The following ZNF717 variants were observed in gnomAD, a reference collection of about 807,000 sequenced individuals.
The protein encoded by ZNF717 is zinc finger protein 717.
A neutral mutation model predicts 13.8 loss-of-function variants in ZNF717; 9 were observed. That is an observed-to-expected ratio of 0.65 (90% CI 0.39 to 1.14). ZNF717 has a LOEUF of 1.14. ZNF717 is among the 50% of genes most tolerant of loss of function. The probability of loss-of-function intolerance (pLI) is 0.01; values close to 1 mark genes in which losing one functional copy is unlikely to be tolerated. For missense variants in ZNF717, 1,040 were observed against 1,080.7 expected, an observed-to-expected ratio of 0.96 and a Z score of 0.53; for synonymous variants, 327 against 364.1, an observed-to-expected ratio of 0.90 and a Z score of 1.16.
At chr3:75,733,599 A>C (rs1241613946), downstream of ZNF717, among the ~76,000 whole-genome samples, 1 of 77,226 alleles carries the variant, frequency 1.3e-5, no homozygotes, top group African/African-American at 5.3e-5. Flanking sequence ...TAACACGGTG[A>C]AACCCCATCT....
At chr3:75,759,320 G>C (rs1942770634) in intron 2 of ZNF717, among the ~76,000 whole-genome samples, 2 of 149,374 alleles carry the variant, frequency 1.3e-5, no homozygotes, top group South Asian at 4.2e-4. Context: ...CTGTTGCCCA[G>C]GCCATAGTGC....
At chr3:75,722,790 T>A (rs2918484) in intron 4 of ZNF717, among the ~76,000 whole-genome samples, 55,666 of 120,252 alleles carry the variant, frequency 0.46, 11,297 homozygotes, top group South Asian at 0.66. Context: ...GGTGACAGAG[T>A]GAAACTCCAT....
intron 2 of ZNF717, among the ~76,000 whole-genome samples, chr3:75,758,445 C>T (rs138535155): frequency 6.6e-6 from 1 of 152,006 alleles, no homozygotes; most frequent in South Asian, 2.1e-4. Flanking sequence ...AGAAGGAGGG[C>T]TTGACAGGAT....
At chr3:75,706,168 T>C (rs796866357), downstream of ZNF717, among the ~76,000 whole-genome samples, 1 of 150,142 alleles carries the variant, frequency 6.7e-6, no homozygotes, top group Non-Finnish European at 1.5e-5. Flanking sequence ...TTTTAATTTT[T>C]ATAAAGTCTG....
chr3:75,754,307 A>C (rs1575861273), intron 2 of ZNF717, among the ~76,000 whole-genome samples: 1 of 105,934 alleles, frequency 9.4e-6, no homozygotes, highest in Non-Finnish European at 2.1e-5. Flanking sequence ...TGGGTACTTC[A>C]TGCCTGGAAT....
rs2107114926 is a variant in ZNF717 at position 75,738,687 on chromosome 3, G to A, written c.936C>T (p.Ala312=). 3 of 1,551,886 alleles carry A rather than the reference G, an allele frequency of 1.9e-6. No individual in the cohort carries two copies. Among genetic ancestry groups the A allele is most frequent in the East Asian group, 2.4e-5 (1 of 40,918 alleles). Reference sequence around the variant, plus strand: ...TGAACAATTTTTCACACCAGTTACAGGCATAAGGTTTTTCCTCAGTAGGCA... The same window carrying A: ...TGAACAATTTTTCACACCAGTTACAAGCATAAGGTTTTTCCTCAGTAGGCA... ...CKMPTEEKPY[A]CNWCEKLFSY... is the part of the protein sequence containing the mutation. Residue 312 remains alanine (A), a synonymous_variant, in exon 5 of 5, where the codon GCC becomes GCT. Coordinates refer to ENST00000652011, the MANE Select transcript of ZNF717 (RefSeq NM_001290208.3).
At chr3:75,758,198 A>G (rs1040728484) in intron 2 of ZNF717, among the ~76,000 whole-genome samples, 3 of 151,850 alleles carry the variant, frequency 2.0e-5, no homozygotes, top group Admixed American at 2.0e-4. Flanking sequence ...GGGGTTCACG[A>G]CTTCTGTGGA....
At chr3:75,750,080 A>G (rs1426169824) in intron 2 of ZNF717, among the ~76,000 whole-genome samples, 8 of 151,614 alleles carry the variant, frequency 5.3e-5, no homozygotes, top group Non-Finnish European at 2.9e-5. Flanking sequence ...TGTCCCTCAC[A>G]TAGGATACCA....
chr3:75,740,820 G>A (rs1963442), intron 4 of ZNF717, among the ~76,000 whole-genome samples: 104,605 of 140,264 alleles, frequency 0.75, 36,594 homozygotes, highest in East Asian at 0.83. Flanking sequence ...AATAGAGTGA[G>A]AATCATCTGT....
chr3:75,733,019 GAGAT>G (rs1207458590), downstream of ZNF717, among the ~76,000 whole-genome samples: 1 of 152,154 alleles, frequency 6.6e-6, no homozygotes, highest in Non-Finnish European at 1.5e-5. Flanking sequence ...TGTAAGCAGA[GAGAT>G]AGAAGTCCAA....
downstream of ZNF717, among the ~76,000 whole-genome samples, chr3:75,726,355 G>T (rs1358916901): frequency 6.6e-6 from 1 of 152,260 alleles, no homozygotes; most frequent in Non-Finnish European, 1.5e-5. Flanking sequence ...AGGCACAGTG[G>T]CTCATGCCTG....
chr3:75,752,839 C>A (rs1942016972), intron 2 of ZNF717, among the ~76,000 whole-genome samples: 1 of 151,582 alleles, frequency 6.6e-6, no homozygotes, highest in Non-Finnish European at 1.5e-5. Context: ...GTTTGTCCTT[C>A]AAATAGGATT....
Position 75,738,304 on chromosome 3 carries a change from A to T in ZNF717, c.1319T>A (p.Val440Asp). 6.7e-7 allele frequency: 1 copy of T among 1,486,956 alleles called. No individual in the cohort carries two copies. Among genetic ancestry groups the T allele is most frequent in the South Asian group, 1.2e-5 (1 of 82,440 alleles). The allele number at this position is 1,486,956 out of a possible 1,614,324, so 92.1% of individuals were successfully genotyped here. A position where few individuals can be genotyped will look rare whatever the true frequency, so the allele number is the denominator to read the frequency against. Residue 440 changes from valine (V) to aspartate (D), a missense_variant, in exon 5 of 5, where the codon GTC (valine) becomes GAC (aspartate). By Grantham distance (152) the Val-to-Asp change is radical (BLOSUM62 -3). Coordinates refer to ENST00000652011, the MANE Select transcript of ZNF717 (RefSeq NM_001290208.3). ...TTCCCCTGTGTGTGTTCTCTGATGG[A>T]CAGTAAGCCTTGACTTATGGCTAAA... Reference protein sequence around the residue: ...EAFSHKSRLTVHQRTHTGEKP... With the variant: ...EAFSHKSRLTDHQRTHTGEKP...
chr3:75,731,979 A>G (rs1230279849), downstream of ZNF717: 1 of 681,634 alleles, frequency 1.5e-6, no homozygotes, highest in African/African-American at 1.8e-5. Flanking sequence ...TGAATTGCTG[A>G]AGGTTCCATA....
chr3:75,767,865 A>T (rs1246131187), intron 2 of ZNF717, among the ~76,000 whole-genome samples: 1 of 151,950 alleles, frequency 6.6e-6, no homozygotes, highest in East Asian at 1.9e-4. Context: ...TTGTCTCAAA[A>T]GGCCAAAGTA....
chr3:75,742,872 T>C (rs2107223601), intron 2 of ZNF717, among the ~76,000 whole-genome samples: 1 of 152,374 alleles, frequency 6.6e-6, no homozygotes, highest in East Asian at 1.9e-4. Context: ...TTCTCATATT[T>C]GCATATAACT....
In ZNF717 at chr3:75,724,389, C is replaced by T. The variant is rs1341217828; in HGVS notation, n.545-7848G>A. The stretch of plus-strand genomic sequence containing the variant: ...TAGGGCTCATCCCTACAGTAGACTA[C>T]AGGCTTACATCATCACCCCTGGCTA... On this transcript the variant is annotated intron_variant and non_coding_transcript_variant, in intron 4 of 5. Coordinates refer to the ZNF717 transcript ENST00000491507. 1.3e-5 allele frequency among the ~76,000 whole-genome samples: 2 copies of T among 152,052 alleles called. 1 individual carries two copies. Among genetic ancestry groups the T allele is most frequent in the South Asian group, 4.1e-4 (2 of 4,824 alleles).
intron 2 of ZNF717, among the ~76,000 whole-genome samples, chr3:75,754,351 C>CA (rs1942278144): frequency 6.1e-5 from 9 of 148,612 alleles, no homozygotes; most frequent in East Asian, 3.9e-4. Context: ...TACTAAAAGG[C>CA]AAAAAAATAA....
At chr3:75,770,769 G>C (rs1420826613) in intron 2 of ZNF717, among the ~76,000 whole-genome samples, 4 of 152,092 alleles carry the variant, frequency 2.6e-5, no homozygotes, top group Admixed American at 1.3e-4. Context: ...CTTTTAGATA[G>C]CAACAAAGAA....
Sources: gnomAD v4.1 joint callset for allele counts (sites outside exome capture counted in the v4.1 genomes callset) on GRCh38, gnomAD v4.1.1 for gene constraint, MANE v1.5 for transcripts, NCBI Gene and HGNC (gene_info 2026-07-23, HGNC 2026-07-21) for gene names.